The following DENND2B variants were observed in gnomAD, a reference collection of about 807,000 sequenced individuals.
DENND2B encodes the protein DENN domain-containing protein 2B.
Under a neutral mutation model 116.0 loss-of-function variants are expected in DENND2B, and 32 were observed. That is an observed-to-expected ratio of 0.28 (90% CI 0.21 to 0.37). The LOEUF (loss-of-function observed/expected upper bound fraction) is 0.37. DENND2B is among the 10% of genes least tolerant of loss of function. The probability of loss-of-function intolerance (pLI) is 1.00; values close to 1 mark genes in which losing one functional copy is unlikely to be tolerated. For missense variants in DENND2B, 1,276 were observed against 1,477.7 expected (o/e 0.86, Z 2.24); for synonymous variants, 588 against 583.9 (o/e 1.01, Z -0.10).
chr11:8,746,650 T>C (rs570564177), intron 2 of DENND2B, among the ~76,000 whole-genome samples: 5 of 152,318 alleles, frequency 3.3e-5, no homozygotes, highest in African/African-American at 1.2e-4. Flanking sequence ...TGAATAATTG[T>C]ATCCAGATTG....
At chr11:8,843,858 G>A (rs1282000647) in intron 3 of DENND2B, among the ~76,000 whole-genome samples, 1 of 152,130 alleles carries the variant, frequency 6.6e-6, no homozygotes, top group Non-Finnish European at 1.5e-5. Context: ...AGTCCCTCAA[G>A]ATGCCGCTCC....
intron 4 of DENND2B, chr11:8,718,289 G>T: frequency 1.5e-6 from 2 of 1,340,856 alleles, no homozygotes; most frequent in Non-Finnish European, 2.1e-6. Flanking sequence ...ACAGTTCAAG[G>T]TAGGAAGGGT....
At chr11:8,699,005 C>A (rs1343837807) in intron 15 of DENND2B, 31 bp from the exon 16 acceptor site, 2 of 1,613,090 alleles carry the variant, frequency 1.2e-6, no homozygotes, top group African/African-American at 2.7e-5. Flanking sequence ...CAGAGTGGCT[C>A]AGGGCATGAG....
intron 1 of DENND2B, among the ~76,000 whole-genome samples, chr11:8,797,972 T>G (rs1195057895): frequency 2.0e-5 from 3 of 152,184 alleles, no homozygotes; most frequent in Non-Finnish European, 4.4e-5. Context: ...AAAGGAACTT[T>G]CCCCAAATCT....
chr11:8,711,738 A>G (rs1368176876), intron 9 of DENND2B, among the ~76,000 whole-genome samples: 1 of 152,124 alleles, frequency 6.6e-6, no homozygotes, highest in Non-Finnish European at 1.5e-5. Context: ...GTGGTGGCGC[A>G]TGCCTGTAAT....
At chr11:8,709,119 C>T (rs1414827429) in intron 11 of DENND2B, among the ~76,000 whole-genome samples, 3 of 152,198 alleles carry the variant, frequency 2.0e-5, no homozygotes, top group Non-Finnish European at 1.5e-5. Flanking sequence ...GCTGGCCCCT[C>T]GTGCAGGCTG....
chr11:8,790,890 A>G (rs1211798782), intron 1 of DENND2B, among the ~76,000 whole-genome samples: 1 of 152,174 alleles, frequency 6.6e-6, no homozygotes, highest in Non-Finnish European at 1.5e-5. Flanking sequence ...CAAGTTCACA[A>G]CCCTTGGAAA....
intron 4 of DENND2B, among the ~76,000 whole-genome samples, chr11:8,835,166 C>T (rs915648633): frequency 2.6e-5 from 4 of 152,112 alleles, no homozygotes; most frequent in African/African-American, 9.7e-5. Context: ...ATTGCTTGAG[C>T]CCAGAGGGTG....
intron 1 of DENND2B, among the ~76,000 whole-genome samples, chr11:8,902,359 C>G (rs1262749542): frequency 6.6e-6 from 1 of 151,908 alleles, no homozygotes; most frequent in Non-Finnish European, 1.5e-5. Flanking sequence ...GTGTTGAAGT[C>G]CCCAACTACC....
At chr11:8,756,418 C>T (rs1469813951) in intron 1 of DENND2B, among the ~76,000 whole-genome samples, 1 of 152,182 alleles carries the variant, frequency 6.6e-6, no homozygotes, top group East Asian at 1.9e-4. Context: ...AAAATTGCTT[C>T]CAGGCCCATG....
At position 8,866,249 on chromosome 11, in the gene DENND2B, G is replaced by A. The variant is rs1427849004; in HGVS notation, c.-250+4705C>T. Among the ~76,000 whole-genome samples, 9 of 152,178 alleles carry A rather than the reference G, an allele frequency of 5.9e-5. No individual in the cohort carries two copies. The East Asian group carries it at 1.3e-3, about 23-fold the overall frequency. Reference sequence around the variant, plus strand: ...GCTGGGATTACAGGCGTGAGCCACCGCACCCGACCTGCAGTCCTATTTTTC... The same window carrying A: ...GCTGGGATTACAGGCGTGAGCCACCACACCCGACCTGCAGTCCTATTTTTC... On this transcript the variant is annotated intron_variant, in intron 2 of 6. Coordinates refer to the DENND2B transcript ENST00000524757.
At chr11:8,909,535 C>A (rs117873893) in intron 1 of DENND2B, among the ~76,000 whole-genome samples, 221 of 152,194 alleles carry the variant, frequency 1.5e-3, no homozygotes, top group Non-Finnish European at 2.7e-3. Flanking sequence ...ATACAGGACC[C>A]CATGCACGTA....
At chr11:8,711,944 T>C (rs765959412) in intron 9 of DENND2B, 1 of 455,822 alleles carries the variant, frequency 2.2e-6, no homozygotes, top group South Asian at 1.5e-5. Flanking sequence ...TGCAGGTGTC[T>C]GGACAGACCT....
At chr11:8,766,600 A>G (rs899616196) in intron 1 of DENND2B, 2 of 1,288,338 alleles carry the variant, frequency 1.6e-6, no homozygotes, top group African/African-American at 1.5e-5. Flanking sequence ...TGAAAGGCCA[A>G]CTCAGGCTTT....
In DENND2B at chr11:8,730,944, C is replaced by G. The variant is rs779094033; in HGVS notation, c.346G>C (p.Glu116Gln). The G allele has an allele frequency of 1.2e-6, 2 of 1,614,244 alleles. No individual in the cohort carries two copies. The highest frequency in any genetic ancestry group is 1.1e-5 in the South Asian group (1 of 91,088). ...PSACKRDAQKESVQGAAQDVA... is the reference protein window; with the variant it reads ...PSACKRDAQKQSVQGAAQDVA... ...TCCTGGGCTGCGCCTTGGACACTTT[C>G]CTTTTGGGCGTCTCTCTTGCACGCC... The change falls in exon 3 of 20, where the codon GAA becomes CAA. Residue 116 changes from glutamate (E) to glutamine (Q), a missense_variant. Around this residue, in one of 2 missense-constraint regions of DENND2B, gnomAD observed 856 missense variants for 846.6 expected, o/e 1.01. Coordinates refer to ENST00000313726, the MANE Select transcript of DENND2B (RefSeq NM_213618.2). The surrounding 1 kb of genome is among the most constrained non-coding windows in gnomAD (Gnocchi z 4.1).
chr11:8,751,433 C>G (rs534413122), intron 1 of DENND2B, among the ~76,000 whole-genome samples: 1 of 152,196 alleles, frequency 6.6e-6, no homozygotes, highest in African/African-American at 2.4e-5. Context: ...CCCTTCCACA[C>G]TGTGGAAGCT....
intron 4 of DENND2B, among the ~76,000 whole-genome samples, chr11:8,719,491 T>C (rs1380938995): frequency 6.6e-6 from 1 of 152,194 alleles, no homozygotes; most frequent in African/African-American, 2.4e-5. Context: ...GAACAGACCT[T>C]TTCCTGTAAC....
At chr11:8,807,161 C>T (rs190085951) in intron 1 of DENND2B, among the ~76,000 whole-genome samples, 5 of 152,316 alleles carry the variant, frequency 3.3e-5, no homozygotes, top group South Asian at 2.1e-4. Flanking sequence ...TTGGCTGCCT[C>T]GGCCGACTCT....
chr11:8,730,431 T>C lies in DENND2B; in HGVS notation c.859A>G (p.Lys287Glu). ...ESSAVLSRIQ[K>E]IEQVLKEQPG... ...TGCTCCTTCAGGACCTGTTCAATTT[T>C]CTGGATCCGGCTCAGCACTGCTGAG... is the stretch of plus-strand genomic sequence containing the variant. Residue 287 changes from lysine (K) to glutamate (E), a missense_variant, in exon 3 of 20, where the codon AAA becomes GAA. This residue lies in a region of DENND2B where 856 missense variants were observed against 846.6 expected (regional missense o/e 1.01). Transcript: ENST00000313726. The surrounding 1 kb of genome is among the most constrained non-coding windows in gnomAD (Gnocchi z 4.1). 6.2e-7 allele frequency: 1 copy of C among 1,609,338 alleles called. No homozygotes were observed.
Sources: gnomAD v4.1 joint callset for allele counts (sites outside exome capture counted in the v4.1 genomes callset) on GRCh38, gnomAD v4.1.1 for gene constraint, gnomAD v4.1.1 regional missense constraint, Gnocchi (gnomAD v3.1) non-coding constraint, MANE v1.5 for transcripts, NCBI Gene and HGNC (gene_info 2026-07-23, HGNC 2026-07-21) for gene names.